TENM4: variants seen among roughly 807,000 people sequenced by gnomAD.
The protein encoded by TENM4 is teneurin transmembrane protein 4.
A neutral mutation model predicts 243.3 loss-of-function variants in TENM4; 82 were observed. The ratio of observed to expected loss-of-function variants is 0.34; its 90% confidence interval spans 0.28 to 0.40. The LOEUF is 0.40. Ranked by LOEUF, TENM4 falls within the 10% of genes least tolerant of loss-of-function variation. The probability of loss-of-function intolerance (pLI) is 1.00; values close to 1 mark genes in which losing one functional copy is unlikely to be tolerated. For missense variants in TENM4, 3,138 were observed against 3,673.3 expected, an observed-to-expected ratio of 0.85 and a Z score of 3.77; for synonymous variants, 1,412 against 1,456.3, an observed-to-expected ratio of 0.97 and a Z score of 0.69.
chr11:79,269,237 T>C (rs1855929558), intron 2 of TENM4, among the ~76,000 whole-genome samples: 1 of 152,366 alleles, frequency 6.6e-6, no homozygotes, highest in East Asian at 1.9e-4. Context: ...TTAAAAACTA[T>C]GCTGTGATAG....
At chr11:79,142,735 C>T (rs185421255) in intron 4 of TENM4, among the ~76,000 whole-genome samples, 70 of 152,204 alleles carry the variant, frequency 4.6e-4, no homozygotes, top group Middle Eastern at 6.8e-3. Flanking sequence ...TCAAATTATA[C>T]TACAGAGCTA....
At chr11:78,757,288 G>T (rs966970618) in intron 18 of TENM4, among the ~76,000 whole-genome samples, 1 of 152,166 alleles carries the variant, frequency 6.6e-6, no homozygotes, top group Admixed American at 6.5e-5. Flanking sequence ...AGAAGAGATT[G>T]TATGTATGAA....
At chr11:78,811,141 C>T (rs1035307996) in intron 14 of TENM4, among the ~76,000 whole-genome samples, 5 of 152,206 alleles carry the variant, frequency 3.3e-5, no homozygotes, top group African/African-American at 1.2e-4. Flanking sequence ...AAGCCATTCC[C>T]ATTTTATAGA....
intron 4 of TENM4, among the ~76,000 whole-genome samples, chr11:79,142,322 T>A (rs1374032810): frequency 1.3e-5 from 2 of 151,850 alleles, no homozygotes; most frequent in African/African-American, 4.9e-5. Flanking sequence ...TCAGTAGGAT[T>A]TCTATATGCC....
intron 1 of TENM4, among the ~76,000 whole-genome samples, chr11:79,302,288 G>A (rs764774477): frequency 2.8e-4 from 43 of 152,156 alleles, no homozygotes; most frequent in Admixed American, 5.2e-4. Flanking sequence ...GCCTATTCAA[G>A]AAGGACTGTT....
intron 16 of TENM4, among the ~76,000 whole-genome samples, chr11:78,786,680 G>C (rs1856942088): frequency 6.6e-6 from 1 of 152,228 alleles, no homozygotes; most frequent in South Asian, 2.1e-4. Context: ...ACCAGGACAT[G>C]GGAAATGGAA....
chr11:79,042,079 C>G (rs919362552), intron 6 of TENM4, among the ~76,000 whole-genome samples: 2 of 152,206 alleles, frequency 1.3e-5, no homozygotes, highest in African/African-American at 4.8e-5. Flanking sequence ...CTTAAAATCC[C>G]TGGAGGAAAG....
At chr11:78,987,184 T>A (rs941015519) in intron 6 of TENM4, among the ~76,000 whole-genome samples, 1 of 152,190 alleles carries the variant, frequency 6.6e-6, no homozygotes, top group Non-Finnish European at 1.5e-5. Context: ...GCTGATGATA[T>A]AATAACAGTG....
At chr11:79,033,390 T>C (rs1241314994) in intron 6 of TENM4, among the ~76,000 whole-genome samples, 1 of 152,196 alleles carries the variant, frequency 6.6e-6, no homozygotes, top group Non-Finnish European at 1.5e-5. Flanking sequence ...GTCCTGCTTG[T>C]ACCCAAGAAG....
At chr11:78,898,153 C>T (rs1398517384) in intron 7 of TENM4, among the ~76,000 whole-genome samples, 1 of 152,150 alleles carries the variant, frequency 6.6e-6, no homozygotes, top group Non-Finnish European at 1.5e-5. Flanking sequence ...AACATCTTAC[C>T]CCAGCTCAAA....
chr11:79,343,077 G>A (rs1857267988), intron 1 of TENM4, among the ~76,000 whole-genome samples: 1 of 152,362 alleles, frequency 6.6e-6, no homozygotes, highest in Non-Finnish European at 1.5e-5. Context: ...AGCTCACCCT[G>A]AGCATCAGTA....
chr11:79,312,390 C>T (rs2135415208), intron 1 of TENM4, among the ~76,000 whole-genome samples: 1 of 152,282 alleles, frequency 6.6e-6, no homozygotes, highest in East Asian at 1.9e-4. Context: ...TACTATGTAC[C>T]AGGCATTATT....
At position 78,658,370 on chromosome 11, in the gene TENM4, G is replaced by A; in HGVS notation, c.7998C>T (p.Ile2666=). ...AGCACAGTGCCCCGTACTGGAGCTG[G>A]ATGTCTGTGTAGCGTCTAGTCCTGC... ...LNGRTRRYTD[I]QLQYGALCLN... The change falls in exon 34 of 34, where the codon ATC becomes ATT. Residue 2666 remains isoleucine (I), a synonymous_variant. Coordinates refer to ENST00000278550, the MANE Select transcript of TENM4 (RefSeq NM_001098816.3). 3 of 1,614,042 alleles carry A rather than the reference G, an allele frequency of 1.9e-6. No homozygotes were observed. Among genetic ancestry groups the A allele is most frequent in the Non-Finnish European group, 2.5e-6 (3 of 1,179,888 alleles).
chr11:79,267,038 C>T (rs553696070), intron 2 of TENM4, among the ~76,000 whole-genome samples: 3 of 152,168 alleles, frequency 2.0e-5, no homozygotes, highest in Middle Eastern at 3.2e-3. Flanking sequence ...TCTCCACAAT[C>T]GCTTCTTCTC....
At chr11:79,128,708 T>A (rs1861932412) in intron 4 of TENM4, among the ~76,000 whole-genome samples, 1 of 152,168 alleles carries the variant, frequency 6.6e-6, no homozygotes, top group African/African-American at 2.4e-5. Flanking sequence ...TGAAGGGAAA[T>A]CTTCCCAGTG....
chr11:79,407,725 T>C (rs1858603063), intron 1 of TENM4, among the ~76,000 whole-genome samples: 1 of 152,182 alleles, frequency 6.6e-6, no homozygotes, highest in African/African-American at 2.4e-5. Flanking sequence ...TCAAAGTTCA[T>C]CTACTAGTTG....
intron 6 of TENM4, among the ~76,000 whole-genome samples, chr11:78,981,604 G>T (rs141313189): frequency 1.3e-5 from 2 of 152,164 alleles, no homozygotes; most frequent in African/African-American, 4.8e-5. Context: ...GGAATCATCC[G>T]GACACAATGC....
intron 6 of TENM4, 129 bp downstream of exon 6, chr11:79,064,608 AC>A (rs1860191104): frequency 8.2e-7 from 1 of 1,215,680 alleles, no homozygotes; most frequent in East Asian, 2.6e-5. Context: ...CTGACATTTG[AC>A]CCCTGAGAGT....
chr11:79,147,421 T>A (rs530189697), intron 4 of TENM4, among the ~76,000 whole-genome samples: 2 of 152,060 alleles, frequency 1.3e-5, no homozygotes, highest in Non-Finnish European at 2.9e-5. Context: ...ATTTCCCTTT[T>A]AACTGTATAT....
Sources: allele counts gnomAD v4.1 joint callset (sites outside exome capture counted in the v4.1 genomes callset), GRCh38; gene constraint gnomAD v4.1.1; transcripts MANE v1.5; gene names NCBI Gene and HGNC (gene_info 2026-07-23, HGNC 2026-07-21).